The following PTPRK variants were observed in gnomAD, a reference collection of about 807,000 sequenced individuals.
PTPRK encodes the protein receptor-type tyrosine-protein phosphatase kappa.
PTPRK carries 75 observed loss-of-function variants against 178.0 expected under a neutral mutation model. The observed-to-expected ratio is 0.42, with a 90% CI of 0.35 to 0.51. The LOEUF (loss-of-function observed/expected upper bound fraction) is 0.51, where lower values mean the gene tolerates loss of function less well. PTPRK is among the 20% of genes least tolerant of loss of function. The pLI is 0.02. For missense variants in PTPRK, 1,441 were observed against 1,797.8 expected (o/e 0.80, Z 3.59); for synonymous variants, 637 against 620.6 (o/e 1.03, Z -0.39).
At chr6:128,063,504 C>A (rs867894096) in intron 13 of PTPRK, 1 of 152,182 alleles carries the variant, frequency 6.6e-6, no homozygotes, top group South Asian at 2.1e-4. Context: ...GACACTTTTA[C>A]AATTTTGGTT....
rs76996687 is a variant in PTPRK, at chr6:128,054,239, A to G, written c.2194+10519T>C. Among the ~76,000 whole-genome samples, 250 of 152,318 alleles carry G rather than the reference A, an allele frequency of 1.6e-3. 2 individuals are homozygous for G. In the East Asian group the frequency reaches 0.036, roughly 22 times the overall value. On this transcript the variant is annotated intron_variant, in intron 13 of 29. Transcript: ENST00000368226. Reference sequence around the variant, plus strand: ...GTTCTACCTAATTACTTCTAATTGGATCATCTTCCCTTTCATTTCCAACTG... The same window carrying G: ...GTTCTACCTAATTACTTCTAATTGGGTCATCTTCCCTTTCATTTCCAACTG...
intron 3 of PTPRK, among the ~76,000 whole-genome samples, chr6:128,314,515 TA>T (rs1278966816): frequency 6.6e-6 from 1 of 152,236 alleles, no homozygotes; most frequent in African/African-American, 2.4e-5. Context: ...CCACTTCCCT[TA>T]AATGCTGTGA....
chr6:128,507,084 G>T (rs1242040287), intron 1 of PTPRK, among the ~76,000 whole-genome samples: 1 of 152,002 alleles, frequency 6.6e-6, no homozygotes, highest in East Asian at 1.9e-4. Flanking sequence ...AGATCATGTA[G>T]TAAAAACATG....
At chr6:128,492,077 G>A (rs1267905411) in intron 1 of PTPRK, among the ~76,000 whole-genome samples, 1 of 152,026 alleles carries the variant, frequency 6.6e-6, no homozygotes, top group Non-Finnish European at 1.5e-5. Context: ...TCATTCCCTT[G>A]CATAACACCC....
At chr6:128,007,596 T>C (rs1778583770) in intron 14 of PTPRK, among the ~76,000 whole-genome samples, 1 of 150,910 alleles carries the variant, frequency 6.6e-6, no homozygotes, top group South Asian at 2.1e-4. Context: ...GAGGTTAATT[T>C]TTCAATTTTT....
chr6:128,049,252 T>C (rs1778594978), intron 13 of PTPRK, among the ~76,000 whole-genome samples: 1 of 152,196 alleles, frequency 6.6e-6, no homozygotes. Flanking sequence ...ACAAGGTTTG[T>C]TCTAAAAAAT....
At position 128,520,569 on chromosome 6, in the gene PTPRK, T is replaced by C; in HGVS notation, c.-211A>G. Reference sequence around the variant, plus strand: ...CGCCGGCCGGCCGCGGCGGCAGCTCTCCATGCTCGGCGGAGGCTGCTCCTG... The same window carrying C: ...CGCCGGCCGGCCGCGGCGGCAGCTCCCCATGCTCGGCGGAGGCTGCTCCTG... On this transcript the variant is annotated 5_prime_UTR_variant, in exon 1 of 30. Transcript: ENST00000368226. 1 of 556,548 alleles carries C rather than the reference T, an allele frequency of 1.8e-6. No homozygotes were observed. The allele number at this position is 556,548 out of a possible 1,614,324, so 34.5% of individuals were successfully genotyped here.
intron 1 of PTPRK, among the ~76,000 whole-genome samples, chr6:128,426,081 T>C (rs1296440108): frequency 6.6e-6 from 1 of 152,202 alleles, no homozygotes; most frequent in Non-Finnish European, 1.5e-5. Flanking sequence ...GTGCATGTTA[T>C]CTCTTGGGAC....
intron 3 of PTPRK, among the ~76,000 whole-genome samples, chr6:128,253,661 A>T (rs1816834630): frequency 6.6e-6 from 1 of 152,228 alleles, no homozygotes. Context: ...GAAGTAGATC[A>T]CTTCACCTGC....
At chr6:128,425,446 A>G (rs1304077442) in intron 1 of PTPRK, among the ~76,000 whole-genome samples, 3 of 152,104 alleles carry the variant, frequency 2.0e-5, no homozygotes, top group Admixed American at 2.0e-4. Context: ...CTAATGTATC[A>G]TTCTTATGCC....
chr6:128,399,672 G>A (rs1840775605), intron 1 of PTPRK, among the ~76,000 whole-genome samples: 1 of 152,178 alleles, frequency 6.6e-6, no homozygotes, highest in African/African-American at 2.4e-5. Flanking sequence ...ATAATAGTGT[G>A]AGTGCCCTCT....
Position 128,191,034 on chromosome 6 carries a change from C to A in PTPRK, c.869-6309G>T, listed in dbSNP as rs184015721. 7.8e-4 allele frequency among the ~76,000 whole-genome samples: 118 copies of A among 151,964 alleles called. 1 individual carries two copies. The highest frequency in any genetic ancestry group is 2.6e-3 in the African/African-American group (109 of 41,432). On this transcript the variant is annotated intron_variant, in intron 6 of 29. Coordinates refer to ENST00000368226, the MANE Select transcript of PTPRK (RefSeq NM_002844.4). ...AAAGAAAGAGTGTGTACTGTGCCCC[C>A]ATGCCTATGCTTACAATATTTCACA...
intron 29 of PTPRK, among the ~76,000 whole-genome samples, chr6:127,971,756 A>C (rs948076251): frequency 2.6e-5 from 4 of 152,278 alleles, no homozygotes; most frequent in Middle Eastern, 3.4e-3. Flanking sequence ...AAATCAGTTA[A>C]ATTTGAAGGT....
At chr6:128,083,661 TTCC>T in intron 9 of PTPRK, 51 bp downstream of exon 9, 1 of 1,078,198 alleles carries the variant, frequency 9.3e-7, no homozygotes, top group South Asian at 1.8e-5. Flanking sequence ...TCCTTTCTTC[TTCC>T]TTTTAGTCCT....
At chr6:128,267,648 C>T (rs901623203) in intron 3 of PTPRK, among the ~76,000 whole-genome samples, 1 of 152,040 alleles carries the variant, frequency 6.6e-6, no homozygotes, top group Non-Finnish European at 1.5e-5. Flanking sequence ...CACAAGACAC[C>T]ACAGTTCACA....
chr6:128,021,413 G>C (rs1417488581), intron 13 of PTPRK, among the ~76,000 whole-genome samples: 1 of 152,260 alleles, frequency 6.6e-6, no homozygotes, highest in East Asian at 1.9e-4. Context: ...GAGGCTGGTG[G>C]ATCACGAGGT....
chr6:128,365,312 C>T (rs1835333777), intron 2 of PTPRK, among the ~76,000 whole-genome samples: 1 of 152,000 alleles, frequency 6.6e-6, no homozygotes, highest in African/African-American at 2.4e-5. Context: ...CAATCAAAGT[C>T]ATTTGGTCAG....
intron 13 of PTPRK, among the ~76,000 whole-genome samples, chr6:128,055,796 C>T (rs2114893161): frequency 6.6e-6 from 1 of 151,960 alleles, no homozygotes; most frequent in East Asian, 1.9e-4. Context: ...GAGATTGGGT[C>T]TCACTGTGTT....
intron 7 of PTPRK, among the ~76,000 whole-genome samples, chr6:128,146,424 A>ATG (rs35899707): frequency 0.04 from 5,386 of 135,892 alleles, 103 homozygotes; most frequent in South Asian, 0.076. Context: ...GTGTGTGTTT[A>ATG]TGTGTGTGTG....
Sources: gnomAD v4.1 joint callset for allele counts (sites outside exome capture counted in the v4.1 genomes callset) on GRCh38, gnomAD v4.1.1 for gene constraint, MANE v1.5 for transcripts, NCBI Gene and HGNC (gene_info 2026-07-23, HGNC 2026-07-21) for gene names.